Variants in PANX1 observed in about 807,000 individuals in gnomAD.
PANX1 encodes the protein pannexin 1.
A neutral mutation model predicts 38.7 loss-of-function variants in PANX1; 30 were observed. The observed-to-expected ratio is 0.78, with a 90% CI of 0.58 to 1.05. The LOEUF (loss-of-function observed/expected upper bound fraction) is 1.05, where lower values mean the gene tolerates loss of function less well. PANX1 is among the 50% of genes least tolerant of loss of function. The pLI, the probability that PANX1 is intolerant of heterozygous loss-of-function variation, is 0.00. For missense variants in PANX1, 551 were observed against 517.2 expected (o/e 1.07, Z -0.63); for synonymous variants, 230 against 212.2 (o/e 1.08, Z -0.73).
At chr11:94,152,385 T>C (rs987452615) in intron 1 of PANX1, among the ~76,000 whole-genome samples, 4 of 152,344 alleles carry the variant, frequency 2.6e-5, no homozygotes, top group Middle Eastern at 3.4e-3. Flanking sequence ...TAATGACTTA[T>C]CAGCTGTGAC....
intron 2 of PANX1, among the ~76,000 whole-genome samples, chr11:94,166,756 AGTATCCTCT>A (rs1233021839): frequency 6.6e-6 from 1 of 152,162 alleles, no homozygotes; most frequent in African/African-American, 2.4e-5. Flanking sequence ...GTTGCAAGAC[AGTATCCTCT>A]GTACTCTTTC....
At chr11:94,163,265 A>C (rs1363280812) in intron 2 of PANX1, among the ~76,000 whole-genome samples, 1 of 152,204 alleles carries the variant, frequency 6.6e-6, no homozygotes, top group African/African-American at 2.4e-5. Flanking sequence ...TGAGCAAATC[A>C]GGGAATGAAA....
intron 2 of PANX1, among the ~76,000 whole-genome samples, chr11:94,157,603 ATTTG>A (rs1359906478): frequency 4.6e-5 from 7 of 151,962 alleles, no homozygotes; most frequent in Non-Finnish European, 1.0e-4. Flanking sequence ...TTTCTTGTAA[ATTTG>A]TTTGAGTTCA....
At chr11:94,154,723 T>G (rs1352150049) in intron 2 of PANX1, among the ~76,000 whole-genome samples, 1 of 151,958 alleles carries the variant, frequency 6.6e-6, no homozygotes, top group Non-Finnish European at 1.5e-5. Context: ...AAAATTTGTG[T>G]GTAACATTTG....
chr11:94,174,072 G>T (rs1327378669), intron 2 of PANX1, among the ~76,000 whole-genome samples: 2 of 151,436 alleles, frequency 1.3e-5, no homozygotes, highest in African/African-American at 4.9e-5. Context: ...GTCATCACAG[G>T]CTTCTTCCTG....
intron 1 of PANX1, among the ~76,000 whole-genome samples, chr11:94,136,701 G>A (rs1257020063): frequency 1.3e-5 from 2 of 152,096 alleles, no homozygotes; most frequent in East Asian, 3.9e-4. Flanking sequence ...CCGGGAGGCG[G>A]AGCTTGCAGT....
chr11:94,163,404 A>G (rs1226909384), intron 2 of PANX1, among the ~76,000 whole-genome samples: 1 of 151,966 alleles, frequency 6.6e-6, no homozygotes, highest in African/African-American at 2.4e-5. Context: ...TTCCTTCTGT[A>G]CTCAGTTTGT....
intron 1 of PANX1, among the ~76,000 whole-genome samples, chr11:94,136,993 G>A (rs554757773): frequency 6.6e-6 from 1 of 151,622 alleles, no homozygotes; most frequent in Non-Finnish European, 1.5e-5. Context: ...TATGGCAGGA[G>A]CAGGAGCAAG....
Position 94,153,490 on chromosome 11 carries a change from G to A in PANX1, c.182-1G>A. ...TGGAAACTATCTGTTTTGCTTCTTA[G>A]GTACACAGATAAGCTGTTTCTCTCC... On this transcript the variant is annotated splice_acceptor_variant, in intron 1 of 4. Coordinates refer to ENST00000227638, the MANE Select transcript of PANX1 (RefSeq NM_015368.4). LOFTEE classifies it high-confidence loss of function. 1 of 1,614,046 alleles carries A rather than the reference G, an allele frequency of 6.2e-7. No individual in the cohort carries two copies. Among genetic ancestry groups the A allele is most frequent in the Non-Finnish European group, 8.5e-7 (1 of 1,179,984 alleles).
chr11:94,149,894 C>T (rs7941402), intron 1 of PANX1, among the ~76,000 whole-genome samples: 1,745 of 152,306 alleles, frequency 0.011, 39 homozygotes, highest in African/African-American at 0.04. Flanking sequence ...ACTTGGTACA[C>T]AATCGTGCAT....
intron 2 of PANX1, among the ~76,000 whole-genome samples, chr11:94,157,845 G>C (rs1946973919): frequency 6.6e-6 from 1 of 152,222 alleles, no homozygotes; most frequent in South Asian, 2.1e-4. Context: ...GTATTGCCTA[G>C]GTTTTCTTCT....
intron 1 of PANX1, among the ~76,000 whole-genome samples, chr11:94,144,456 C>T (rs990655259): frequency 6.6e-6 from 1 of 152,128 alleles, no homozygotes; most frequent in African/African-American, 2.4e-5. Flanking sequence ...ACCTGGTGCC[C>T]AGTCCCCTCC....
intron 1 of PANX1, among the ~76,000 whole-genome samples, chr11:94,141,110 A>AAGGTCTCAGG (rs1946757298): frequency 1.3e-5 from 2 of 152,248 alleles, no homozygotes; most frequent in South Asian, 4.2e-4. Flanking sequence ...ACCTCCTGAA[A>AAGGTCTCAGG]AGGTCTCAGG....
chr11:94,158,634 T>A (rs1946983854), intron 2 of PANX1, among the ~76,000 whole-genome samples: 1 of 152,208 alleles, frequency 6.6e-6, no homozygotes, highest in African/African-American at 2.4e-5. Context: ...CTTATAAGCT[T>A]AAGGAGATTT....
intron 1 of PANX1, among the ~76,000 whole-genome samples, chr11:94,140,066 A>G (rs1162245577): frequency 6.6e-6 from 1 of 152,242 alleles, no homozygotes; most frequent in Non-Finnish European, 1.5e-5. Flanking sequence ...TAAATAGAGT[A>G]GAAATGCTTT....
chr11:94,129,374 C>T lies in PANX1; in HGVS notation c.62C>T (p.Thr21Met), dbSNP rs558951523. The change falls in exon 1 of 5, where the codon ACG (threonine) becomes ATG (methionine). Residue 21 changes from threonine (T) to methionine (M), a missense_variant. Coordinates refer to ENST00000227638, the MANE Select transcript of PANX1 (RefSeq NM_015368.4). ...VFSDFLLKEP[T>M]EPKFKGLRLE... Reference sequence around the variant, plus strand: ...TCGGATTTCTTGCTGAAGGAGCCCACGGAGCCCAAGTTCAAGGGGCTGCGA... The same window carrying T: ...TCGGATTTCTTGCTGAAGGAGCCCATGGAGCCCAAGTTCAAGGGGCTGCGA... 1.9e-6 allele frequency: 3 copies of T among 1,613,876 alleles called. No homozygotes were observed. Among genetic ancestry groups the T allele is most frequent in the South Asian group, 2.2e-5 (2 of 91,042 alleles).
In PANX1 at chr11:94,179,687, A is replaced by T; in HGVS notation, c.631A>T (p.Ile211Phe). ...AAAGAAAAATTCTAATAATTTAATC[A>T]TCAAGTACATTAGCTGCCGCCTGCT... Reference protein sequence around the residue: ...KTKKNSNNLIIKYISCRLLTL... With the variant: ...KTKKNSNNLIFKYISCRLLTL... The change falls in exon 4 of 5, where the codon ATC (isoleucine) becomes TTC (phenylalanine). Residue 211 changes from isoleucine (I) to phenylalanine (F), a missense_variant. By Grantham distance (21) the Ile-to-Phe change is conservative (BLOSUM62 0). Coordinates refer to ENST00000227638, the MANE Select transcript of PANX1 (RefSeq NM_015368.4). 2 of 1,613,696 alleles carry T rather than the reference A, an allele frequency of 1.2e-6. No individual in the cohort carries two copies. The highest frequency in any genetic ancestry group is 1.7e-6 in the Non-Finnish European group (2 of 1,179,714).
chr11:94,168,998 T>G lies in PANX1; in HGVS notation c.322-9371T>G, dbSNP rs72972512. 5.3e-3 allele frequency among the ~76,000 whole-genome samples: 809 copies of G among 151,578 alleles called. 4 individuals are homozygous for G. The highest frequency in any genetic ancestry group is 9.3e-3 in the Non-Finnish European group (634 of 67,998). On this transcript the variant is annotated intron_variant, in intron 2 of 4. Transcript: ENST00000227638. The stretch of plus-strand genomic sequence containing the variant: ...GAAGAAGCCTGGTGAAGAAGCAGAT[T>G]TTGGAGGAAAATCAAAGAGTTCTGC...
chr11:94,154,011 T>C (rs1255931899), intron 2 of PANX1, among the ~76,000 whole-genome samples: 1 of 152,220 alleles, frequency 6.6e-6, no homozygotes, highest in Admixed American at 6.5e-5. Flanking sequence ...GCTTCTCAGC[T>C]AGCACCTTTT....
Sources: gnomAD v4.1 joint callset for allele counts (sites outside exome capture counted in the v4.1 genomes callset) on GRCh38, gnomAD v4.1.1 for gene constraint, MANE v1.5 for transcripts, NCBI Gene and HGNC (gene_info 2026-07-23, HGNC 2026-07-21) for gene names.